CASQ1: variants seen among roughly 807,000 people sequenced by gnomAD.
CASQ1 encodes calsequestrin-1.
CASQ1 carries 40 observed loss-of-function variants against 49.5 expected under a neutral mutation model. The ratio of observed to expected loss-of-function variants is 0.81; its 90% CI spans 0.63 to 1.05. The LOEUF (loss-of-function observed/expected upper bound fraction) is 1.05. Ranked by LOEUF, CASQ1 falls within the 50% of genes least tolerant of loss-of-function variation. CASQ1 has a pLI of 0.00. For synonymous variants in CASQ1, 174 were observed against 187.2 expected, an observed-to-expected ratio of 0.93 and a Z score of 0.58; for missense variants, 469 against 486.9, an observed-to-expected ratio of 0.96 and a Z score of 0.35.
chr1:160,191,658 T>C (rs1265134980), intron 1 of CASQ1, among the ~76,000 whole-genome samples: 1 of 152,156 alleles, frequency 6.6e-6, no homozygotes, highest in African/African-American at 2.4e-5. Context: ...CAGAATGTCT[T>C]CCCCAATCTT....
rs771003255 is a variant in CASQ1, at chr1:160,197,605, T to C, written c.819T>C (p.Tyr273=). 1 of 1,610,664 alleles carries C rather than the reference T, an allele frequency of 6.2e-7. No homozygotes were observed. Among genetic ancestry groups the C allele is most frequent in the Non-Finnish European group, 8.5e-7 (1 of 1,176,822 alleles). Reference sequence around the variant, plus strand: ...GGAAACTGAAGCCGGAGAGTATGTATGAGACCTGGGTGAGTGCCCCTGGCC... The same window carrying C: ...GGAAACTGAAGCCGGAGAGTATGTACGAGACCTGGGTGAGTGCCCCTGGCC... ...TLRKLKPESM[Y]ETWEDDMDGI... The change falls in exon 7 of 11, where the codon TAT becomes TAC. Residue 273 remains tyrosine, a synonymous_variant. Coordinates refer to ENST00000368078, the MANE Select transcript of CASQ1 (RefSeq NM_001231.5).
Position 160,201,372 on chromosome 1 carries a change from A to G in CASQ1, c.1187A>G (p.Asp396Gly). 4 of 1,613,870 alleles carry G rather than the reference A, an allele frequency of 2.5e-6. No individual in the cohort carries two copies. The highest frequency in any genetic ancestry group is 3.4e-6 in the Non-Finnish European group (4 of 1,179,870). The change falls in exon 11 of 11, where the codon GAC becomes GGC. Residue 396 changes from aspartate to glycine, a missense_variant. Physicochemically the swap from Asp to Gly is moderately conservative, Grantham distance 94. Transcript: ENST00000368078. The stretch of plus-strand genomic sequence containing the variant: ...GAGGACGATGACGATGATGATGATG[A>G]CTAGTTGCTATGGCAACCATCTTTC... Reference protein sequence around the residue: ...NTEDDDDDDDD With the variant: ...NTEDDDDDDDG
chr1:160,192,278 C>G (rs969231078), intron 1 of CASQ1, among the ~76,000 whole-genome samples: 1 of 152,158 alleles, frequency 6.6e-6, no homozygotes, highest in East Asian at 1.9e-4. Context: ...CTTATCTCAG[C>G]TCTCTGGCCT....
At chr1:160,193,080 T>A (rs1654115618) in intron 2 of CASQ1, among the ~76,000 whole-genome samples, 194 bp downstream of exon 2, 1 of 152,072 alleles carries the variant, frequency 6.6e-6, no homozygotes, top group African/African-American at 2.4e-5. Context: ...TCTCTATTCC[T>A]TATGAAGTTC....
At chr1:160,199,980 C>A in intron 10 of CASQ1, 55 bp downstream of exon 10, 1 of 1,167,160 alleles carries the variant, frequency 8.6e-7, no homozygotes, top group Non-Finnish European at 1.3e-6. Context: ...CCTAGCATAG[C>A]TAGCTCTCCT....
At position 160,197,559 on chromosome 1, in the gene CASQ1, T is replaced by C. The variant is rs1006436191; in HGVS notation, c.783-10T>C. On this transcript the variant is annotated splice_polypyrimidine_tract_variant and intron_variant, in intron 6 of 10. Coordinates refer to ENST00000368078, the MANE Select transcript of CASQ1 (RefSeq NM_001231.5). ...CCACTGAGTAATGACACTCTGTCTG[T>C]CTCTTCTAGATCAACCCTGAGGAAA... 5 of 1,605,952 alleles carry C rather than the reference T, an allele frequency of 3.1e-6. No individual in the cohort carries two copies. The African/African-American group carries it at 6.7e-5, about 21-fold the overall frequency.
intron 3 of CASQ1, among the ~76,000 whole-genome samples, chr1:160,194,419 C>T (rs1020180706): frequency 2.0e-5 from 3 of 148,888 alleles, no homozygotes; most frequent in African/African-American, 7.4e-5. Context: ...TATGCATATG[C>T]ACCACATGCA....
chr1:160,195,603 G>C, intron 5 of CASQ1, 69 bp downstream of exon 5: 2 of 1,422,606 alleles, frequency 1.4e-6, no homozygotes, highest in Middle Eastern at 3.6e-4. Context: ...TCCTCTCCCA[G>C]AATCGATGGC....
chr1:160,193,954 A>G (rs1033414581), intron 3 of CASQ1, 107 bp downstream of exon 3: 28 of 686,840 alleles, frequency 4.1e-5, no homozygotes, highest in Admixed American at 3.6e-4. Context: ...ACACACACAC[A>G]CATACACCAC....
In CASQ1 at chr1:160,198,862, G is replaced by A; in HGVS notation, c.884-91G>A. The A allele has an allele frequency of 3.4e-6, 4 of 1,167,406 alleles. No individual in the cohort carries two copies. In the South Asian group the frequency reaches 4.9e-5, roughly 14 times the overall value. 72.3% of individuals were successfully genotyped at this position (1,167,406 alleles called of 1,614,324 possible). On this transcript the variant is annotated intron_variant, in intron 8 of 10. Coordinates refer to ENST00000368078, the MANE Select transcript of CASQ1 (RefSeq NM_001231.5). ...GCCTAGGGCTAGACATGTGAAGCTT[G>A]GGGAGCAGGGAGGTAGCTCTGCACT...
intron 5 of CASQ1, 84 bp downstream of exon 5, chr1:160,195,618 C>CTGG (rs919587748): frequency 5.7e-5 from 73 of 1,279,748 alleles, no homozygotes; most frequent in Non-Finnish European, 8.0e-5. Flanking sequence ...GATGGCTGAC[C>CTGG]TGGTCCCTTC....
intron 3 of CASQ1, among the ~76,000 whole-genome samples, 198 bp downstream of exon 3, chr1:160,194,045 T>C (rs1654144132): frequency 2.1e-5 from 3 of 144,140 alleles, no homozygotes; most frequent in Middle Eastern, 4.0e-3. Flanking sequence ...ACCACACATA[T>C]GCATGCACAT....
At chr1:160,191,128 G>T in intron 1 of CASQ1, 98 bp downstream of exon 1, 1 of 1,332,628 alleles carries the variant, frequency 7.5e-7, no homozygotes, top group African/African-American at 1.4e-5. Flanking sequence ...GGGATCTGGG[G>T]GTGAGGGGCA....
intron 1 of CASQ1, among the ~76,000 whole-genome samples, chr1:160,191,897 C>G (rs968944186): frequency 1.3e-5 from 2 of 152,164 alleles, no homozygotes; most frequent in Non-Finnish European, 2.9e-5. Flanking sequence ...ACCACAGGCT[C>G]TCATTTTGTG....
At chr1:160,193,317 G>C (rs868569752) in intron 2 of CASQ1, among the ~76,000 whole-genome samples, 2 of 152,108 alleles carry the variant, frequency 1.3e-5, no homozygotes, top group Non-Finnish European at 2.9e-5. Flanking sequence ...TGGGGGAGGG[G>C]TGGTCAGTAA....
chr1:160,196,004 C>T lies in CASQ1; in HGVS notation c.759C>T (p.Val253=). 1 of 1,614,018 alleles carries T rather than the reference C, an allele frequency of 6.2e-7. No individual in the cohort carries two copies. The highest frequency in any genetic ancestry group is 8.5e-7 in the Non-Finnish European group (1 of 1,179,966). Residue 253 remains valine (V), a synonymous_variant, in exon 6 of 11, where the codon GTC becomes GTT. Coordinates refer to ENST00000368078, the MANE Select transcript of CASQ1 (RefSeq NM_001231.5). ...AGCCCAATAGCGAAGAGGAGATTGT[C>T]AACTTCGTGGAGGAGCACAGGAGGT... ...PDKPNSEEEI[V]NFVEEHRRST...
rs2101677902 is a variant in CASQ1, at chr1:160,198,936, C to T, written c.884-17C>T. ...CTCTCTACACACCTCATACCTTGTA[C>T]TTGTGTTCCCTCCAAGATGGTTTCG... On this transcript the variant is annotated splice_polypyrimidine_tract_variant and intron_variant, in intron 8 of 10. Coordinates refer to ENST00000368078, the MANE Select transcript of CASQ1 (RefSeq NM_001231.5). The T allele has an allele frequency of 6.5e-7, 1 of 1,531,300 alleles. No homozygotes were observed. The highest frequency in any genetic ancestry group is 9.1e-7 in the Non-Finnish European group (1 of 1,104,402). The allele number at this position is 1,531,300 out of a possible 1,614,324, so 94.9% of individuals were successfully genotyped here.
chr1:160,196,890 C>G (rs2101676139), intron 6 of CASQ1, among the ~76,000 whole-genome samples: 1 of 152,300 alleles, frequency 6.6e-6, no homozygotes, highest in Admixed American at 6.5e-5. Context: ...TGTCTAGACA[C>G]ATTTTTGGTT....
chr1:160,191,120 G>A (rs1046894505), intron 1 of CASQ1, 90 bp downstream of exon 1: 6 of 1,411,302 alleles, frequency 4.3e-6, no homozygotes, highest in Non-Finnish European at 5.8e-6. Flanking sequence ...TTGAGGATGG[G>A]ATCTGGGGGT....
Sources: gnomAD v4.1 joint callset for allele counts (sites outside exome capture counted in the v4.1 genomes callset) on GRCh38, gnomAD v4.1.1 for gene constraint, MANE v1.5 for transcripts, NCBI Gene and HGNC (gene_info 2026-07-23, HGNC 2026-07-21) for gene names.